ITGAD: variants seen among roughly 807,000 people sequenced by gnomAD.
ITGAD encodes integrin alpha-D.
A neutral mutation model predicts 139.0 loss-of-function variants in ITGAD; 105 were observed. The ratio of observed to expected loss-of-function variants is 0.76; its 90% CI spans 0.65 to 0.89. The LOEUF (loss-of-function observed/expected upper bound fraction) is 0.89. ITGAD is among the 40% of genes least tolerant of loss of function. The probability of loss-of-function intolerance (pLI) is 0.00; values close to 1 mark genes in which losing one functional copy is unlikely to be tolerated. For missense variants in ITGAD, 1,384 were observed against 1,487.3 expected, an observed-to-expected ratio of 0.93 and a Z score of 1.14; for synonymous variants, 569 against 598.3, an observed-to-expected ratio of 0.95 and a Z score of 0.71.
intron 10 of ITGAD, 53 bp downstream of exon 10, chr16:31,408,551 A>C (rs1597130759): frequency 6.6e-7 from 1 of 1,517,810 alleles, no homozygotes; most frequent in Non-Finnish European, 9.1e-7. Flanking sequence ...CTCTGCACCC[A>C]CCCTGGGCTG....
At chr16:31,401,591 C>T (rs371910252) in intron 5 of ITGAD, among the ~76,000 whole-genome samples, 1 of 152,188 alleles carries the variant, frequency 6.6e-6, no homozygotes, top group Admixed American at 6.5e-5. Context: ...ATGGTGCCAG[C>T]GGCTGACCCT....
intron 18 of ITGAD, among the ~76,000 whole-genome samples, chr16:31,415,275 A>G (rs1401709615): frequency 6.6e-6 from 1 of 151,958 alleles, no homozygotes; most frequent in Non-Finnish European, 1.5e-5. Context: ...CTATTGTTGT[A>G]TCCTCCCACC....
At position 31,414,879 on chromosome 16, in the gene ITGAD, T is replaced by C; in HGVS notation, c.2171T>C (p.Val724Ala). The change falls in exon 18 of 30, where the codon GTG becomes GCG. Residue 724 changes from valine to alanine, a missense_variant. Transcript: ENST00000389202. ...LLLPDCVEDVVSPIILHLNFS... is the reference protein window; with the variant it reads ...LLLPDCVEDVASPIILHLNFS... ...TCTCAGGATTGTGTGGAGGATGTGG[T>C]GAGCCCCATCATTCTGCACCTCAAC... 6.2e-7 allele frequency: 1 copy of C among 1,614,076 alleles called. No individual in the cohort carries two copies. Among genetic ancestry groups the C allele is most frequent in the Non-Finnish European group, 8.5e-7 (1 of 1,179,988 alleles).
chr16:31,407,236 C>G (rs1172275731), intron 7 of ITGAD, among the ~76,000 whole-genome samples: 1 of 152,122 alleles, frequency 6.6e-6, no homozygotes, highest in African/African-American at 2.4e-5. Context: ...CACCCATAAT[C>G]CCAACTACTC....
chr16:31,418,956 G>A lies in ITGAD; in HGVS notation c.2780+392G>A, dbSNP rs185361873. Among the ~76,000 whole-genome samples, 225 of 151,494 alleles carry A rather than the reference G, an allele frequency of 1.5e-3. 1 individual carries two copies. Among genetic ancestry groups the A allele is most frequent in the African/African-American group, 5.0e-3 (208 of 41,232 alleles). On this transcript the variant is annotated intron_variant, in intron 23 of 29. Transcript: ENST00000389202. Reference sequence around the variant, plus strand: ...GGAGAATCACTTGAATCCGGGAGGCGGAGGTTGCAGTGAGCCGAGATCATG... The same window carrying A: ...GGAGAATCACTTGAATCCGGGAGGCAGAGGTTGCAGTGAGCCGAGATCATG...
chr16:31,406,978 G>T (rs1313488043), intron 7 of ITGAD, among the ~76,000 whole-genome samples: 1 of 152,218 alleles, frequency 6.6e-6, no homozygotes. Context: ...GGGGAAGAGA[G>T]TTCAGCCATG....
Position 31,418,060 on chromosome 16 carries a change from A to G in ITGAD, c.2500-15A>G. ...GCATGCGGGTAACTTCTTAAAATTC[A>G]TTCTCCTCCCCTAGAAGCAGCCCCA... On this transcript the variant is annotated splice_polypyrimidine_tract_variant and intron_variant, in intron 20 of 29. Coordinates refer to ENST00000389202, the MANE Select transcript of ITGAD (RefSeq NM_005353.3). 6.2e-7 allele frequency: 1 copy of G among 1,609,672 alleles called. No individual in the cohort carries two copies. The highest frequency in any genetic ancestry group is 8.5e-7 in the Non-Finnish European group (1 of 1,176,170).
intron 23 of ITGAD, among the ~76,000 whole-genome samples, chr16:31,421,263 A>G (rs2082001072): frequency 1.3e-5 from 2 of 152,188 alleles, no homozygotes; most frequent in East Asian, 3.9e-4. Context: ...CATACATGGC[A>G]TGCCTCTCCA....
intron 10 of ITGAD, 117 bp from the exon 11 acceptor site, chr16:31,410,278 C>A: frequency 7.0e-7 from 1 of 1,431,368 alleles, no homozygotes; most frequent in Non-Finnish European, 9.6e-7. Context: ...TGGTGCGGGC[C>A]GGGAAGACAG....
Position 31,414,855 on chromosome 16 carries a change from C to T in ITGAD, c.2152-5C>T, listed in dbSNP as rs1242043774. ...GCAGGTTCTTGAAAGCCTGTTCTCT[C>T]TCAGGATTGTGTGGAGGATGTGGTG... On this transcript the variant is annotated splice_polypyrimidine_tract_variant and splice_region_variant and intron_variant, in intron 17 of 29. Coordinates refer to ENST00000389202, the MANE Select transcript of ITGAD (RefSeq NM_005353.3). 6.2e-7 allele frequency: 1 copy of T among 1,613,814 alleles called. No individual in the cohort carries two copies. The highest frequency in any genetic ancestry group is 1.3e-5 in the African/African-American group (1 of 74,892).
intron 28 of ITGAD, 31 bp downstream of exon 28, chr16:31,424,234 T>C: frequency 1.9e-6 from 3 of 1,612,576 alleles, no homozygotes; most frequent in Non-Finnish European, 2.5e-6. Context: ...AGCGACCAGC[T>C]GGAAAGAGGA....
chr16:31,411,264 A>T, intron 13 of ITGAD, 44 bp from the exon 14 acceptor site: 1 of 1,607,924 alleles, frequency 6.2e-7, no homozygotes, highest in Non-Finnish European at 8.5e-7. Flanking sequence ...GTGTGAGTGG[A>T]GGCGTCACCT....
In ITGAD at chr16:31,423,835, C is replaced by T. The variant is rs1164087495; in HGVS notation, c.3046-10C>T. 3.7e-6 allele frequency: 6 copies of T among 1,613,936 alleles called. No individual in the cohort carries two copies. Among genetic ancestry groups the T allele is most frequent in the Non-Finnish European group, 5.1e-6 (6 of 1,179,790 alleles). On this transcript the variant is annotated splice_polypyrimidine_tract_variant and intron_variant, in intron 26 of 29. Coordinates refer to ENST00000389202, the MANE Select transcript of ITGAD (RefSeq NM_005353.3). ...AGAACCCCTCAGTTTCACCCCTCTT[C>T]TGCCCCCAGGACTGCTCCATTGCTG...
chr16:31,410,595 A>AG (rs1285611589), intron 11 of ITGAD, 71 bp downstream of exon 11: 2 of 305,934 alleles, frequency 6.5e-6, no homozygotes, highest in South Asian at 4.0e-5. Flanking sequence ...GGTTCTGGGG[A>AG]GGGGGGATGG....
chr16:31,408,572 G>A (rs1386869149), intron 10 of ITGAD, 74 bp downstream of exon 10: 6 of 1,363,898 alleles, frequency 4.4e-6, no homozygotes, highest in Non-Finnish European at 5.2e-6. Context: ...GGGGCTGGGA[G>A]CCAGACATAA....
intron 5 of ITGAD, 37 bp downstream of exon 5, chr16:31,397,946 C>T (rs2081313531): frequency 6.7e-7 from 1 of 1,501,152 alleles, no homozygotes; most frequent in African/African-American, 1.4e-5. Context: ...CTGTGGAGCA[C>T]ATGCTGGCAC....
intron 27 of ITGAD, 33 bp from the exon 28 acceptor site, chr16:31,424,069 C>T (rs2082062422): frequency 1.9e-6 from 3 of 1,613,062 alleles, no homozygotes; most frequent in East Asian, 2.2e-5. Flanking sequence ...CCCCCAGAGC[C>T]AGTTCCACAG....
At chr16:31,408,278 GCA>G (rs1567335112) in intron 9 of ITGAD, 145 bp from the exon 10 acceptor site, 5 of 689,970 alleles carry the variant, frequency 7.2e-6, no homozygotes, top group African/African-American at 3.5e-5. Context: ...AGCCTGTCCC[GCA>G]CAGTCTTGAT....
chr16:31,411,503 C>G lies in ITGAD; in HGVS notation c.1693C>G (p.Pro565Ala), dbSNP rs758514527. 1 of 1,614,110 alleles carries G rather than the reference C, an allele frequency of 6.2e-7. No homozygotes were observed. The highest frequency in any genetic ancestry group is 1.7e-5 in the Admixed American group (1 of 60,012). The change falls in exon 14 of 30, where the codon CCC (proline) becomes GCC (alanine). Residue 565 changes from proline to alanine, a missense_variant. Transcript: ENST00000389202. ...CGGAGCCTCAGAATCCGGCATCAGC[C>G]CCTCCCACAGCCAGGTGAGGCCCGT... ...FHGASESGIS[P>A]SHSQRIASSQ...
Sources: gnomAD v4.1 joint callset for allele counts (sites outside exome capture counted in the v4.1 genomes callset) on GRCh38, gnomAD v4.1.1 for gene constraint, MANE v1.5 for transcripts, NCBI Gene and HGNC (gene_info 2026-07-23, HGNC 2026-07-21) for gene names.